The following ADAMTSL1 variants were observed in gnomAD, a reference collection of about 807,000 sequenced individuals.
The protein encoded by ADAMTSL1 is ADAMTS like 1.
In ADAMTSL1, 126 loss-of-function variants were observed where a neutral mutation model predicts 201.8. The ratio of observed to expected loss-of-function variants is 0.62; its 90% confidence interval spans 0.54 to 0.72. The LOEUF (loss-of-function observed/expected upper bound fraction) is 0.72. Among genes scored for constraint, ADAMTSL1 ranks in the 30% least tolerant of loss-of-function variants. The pLI is 0.00. For missense variants in ADAMTSL1, 2,679 were observed against 2,277.8 expected, an observed-to-expected ratio of 1.18 and a Z score of -3.59; for synonymous variants, 1,121 against 903.4, an observed-to-expected ratio of 1.24 and a Z score of -4.32.
intron 9 of ADAMTSL1, among the ~76,000 whole-genome samples, chr9:18,674,872 T>G (rs1830048243): frequency 6.6e-6 from 1 of 152,152 alleles, no homozygotes; most frequent in African/African-American, 2.4e-5. Flanking sequence ...AAGGTGCTGT[T>G]GCACTAGCGG....
At chr9:17,944,763 T>C (rs1352259649) in intron 1 of ADAMTSL1, among the ~76,000 whole-genome samples, 15 of 126,026 alleles carry the variant, frequency 1.2e-4, no homozygotes, top group East Asian at 4.6e-4. Context: ...GCTAGCCATA[T>C]GTAGAAAGCT....
intron 2 of ADAMTSL1, among the ~76,000 whole-genome samples, chr9:18,387,113 AT>A (rs1180823115): frequency 2.0e-5 from 3 of 152,026 alleles, no homozygotes; most frequent in Non-Finnish European, 4.4e-5. Flanking sequence ...ATTTTTATGT[AT>A]TTTTATAGAT....
chr9:18,875,338 A>C (rs1036156744), intron 23 of ADAMTSL1, among the ~76,000 whole-genome samples: 2 of 151,922 alleles, frequency 1.3e-5, no homozygotes, highest in African/African-American at 4.8e-5. Flanking sequence ...TTGAAGTGTA[A>C]CCTTAGATTG....
intron 2 of ADAMTSL1, among the ~76,000 whole-genome samples, chr9:18,235,357 G>T (rs1188205062): frequency 2.6e-5 from 4 of 152,078 alleles, no homozygotes; most frequent in African/African-American, 4.8e-5. Flanking sequence ...CACATCAAAG[G>T]TACCTGCTAT....
At chr9:18,008,568 C>G (rs945694986) in intron 1 of ADAMTSL1, among the ~76,000 whole-genome samples, 1 of 151,856 alleles carries the variant, frequency 6.6e-6, no homozygotes, top group African/African-American at 2.4e-5. Context: ...CAGAAGGAGC[C>G]ACTCAGGTAG....
intron 2 of ADAMTSL1, among the ~76,000 whole-genome samples, chr9:18,334,551 T>C (rs769029636): frequency 2.6e-5 from 4 of 152,206 alleles, no homozygotes; most frequent in Non-Finnish European, 4.4e-5. Flanking sequence ...TTAGTCCTAA[T>C]AGTGGTGCTA....
intron 1 of ADAMTSL1, among the ~76,000 whole-genome samples, chr9:18,487,453 T>C (rs978344526): frequency 2.0e-5 from 3 of 152,212 alleles, no homozygotes; most frequent in African/African-American, 7.2e-5. Context: ...TGACTTTCAT[T>C]CTAATTTTGG....
At chr9:18,100,429 A>G (rs1824464195) in intron 1 of ADAMTSL1, among the ~76,000 whole-genome samples, 1 of 152,042 alleles carries the variant, frequency 6.6e-6, no homozygotes, top group South Asian at 2.1e-4. Flanking sequence ...TACAGGGTGT[A>G]TATGCCTTGA....
chr9:18,318,932 G>A (rs1348121953), intron 2 of ADAMTSL1, among the ~76,000 whole-genome samples: 2 of 152,152 alleles, frequency 1.3e-5, no homozygotes, highest in Admixed American at 6.5e-5. Flanking sequence ...AAAGAGGCTG[G>A]GCACAGTGGC....
chr9:18,291,109 G>C (rs181615202), intron 2 of ADAMTSL1, among the ~76,000 whole-genome samples: 48 of 151,992 alleles, frequency 3.2e-4, no homozygotes, highest in African/African-American at 1.0e-3. Flanking sequence ...AATTGGGTGA[G>C]AGATGAGATT....
chr9:18,501,884 C>A (rs1822862756), intron 1 of ADAMTSL1, among the ~76,000 whole-genome samples: 1 of 152,148 alleles, frequency 6.6e-6, no homozygotes, highest in Admixed American at 6.6e-5. Context: ...TGTAGTTGTG[C>A]TGAAACGTGT....
At chr9:18,488,137 C>G (rs1563990934) in intron 1 of ADAMTSL1, among the ~76,000 whole-genome samples, 1 of 152,200 alleles carries the variant, frequency 6.6e-6, no homozygotes, top group Non-Finnish European at 1.5e-5. Context: ...GGAACCCTCT[C>G]ATTCCCTATC....
At chr9:18,723,423 C>G (rs957577069) in intron 15 of ADAMTSL1, 1 of 345,782 alleles carries the variant, frequency 2.9e-6, no homozygotes, top group Admixed American at 4.3e-5. Flanking sequence ...TGCTGGGACT[C>G]GTGGTCCCTA....
chr9:18,775,851 C>T lies in ADAMTSL1; in HGVS notation c.2506C>T (p.Pro836Ser). The T allele has an allele frequency of 6.2e-7, 1 of 1,604,214 alleles. No individual in the cohort carries two copies. The highest frequency in any genetic ancestry group is 1.1e-5 in the South Asian group (1 of 88,922). Residue 836 changes from proline (P) to serine (S), a missense_variant, in exon 18 of 29, where the codon CCT becomes TCT. Pro to Ser is a moderately conservative substitution (Grantham distance 74). Coordinates refer to ENST00000380548, the MANE Select transcript of ADAMTSL1 (RefSeq NM_001040272.6). ...VVNSTLCPPL[P>S]FSSSIRPCML... is the part of the protein sequence containing the mutation. The stretch of plus-strand genomic sequence containing the variant: ...CAATTCCACCCTGTGCCCGCCCCTG[C>T]CTTTCTCTTCCTCCATCAGGCCCTG...
chr9:18,076,975 C>T lies in ADAMTSL1; in HGVS notation c.88-86887C>T, dbSNP rs183021441. Among the ~76,000 whole-genome samples, 17 of 151,966 alleles carry T rather than the reference C, an allele frequency of 1.1e-4. No homozygotes were observed. In the South Asian group the frequency reaches 1.7e-3, roughly 15 times the overall value. ...GGAATTACACGCTGTTAGATGGCTA[C>T]GGAAGATAAAGAAAAAGGAAGGATA... On this transcript the variant is annotated intron_variant, in intron 1 of 29. Transcript: ENST00000680146.
At chr9:18,070,022 T>A (rs1191712283) in intron 1 of ADAMTSL1, among the ~76,000 whole-genome samples, 1 of 152,198 alleles carries the variant, frequency 6.6e-6, no homozygotes, top group South Asian at 2.1e-4. Flanking sequence ...AGTGGAAATG[T>A]CTGCATGAGA....
intron 15 of ADAMTSL1, among the ~76,000 whole-genome samples, chr9:18,746,074 G>T (rs972301479): frequency 1.3e-5 from 2 of 152,228 alleles, no homozygotes; most frequent in African/African-American, 4.8e-5. Context: ...GCAAGGCTGA[G>T]CCCTGGACAT....
At chr9:18,639,495 G>A (rs1827312196) in intron 7 of ADAMTSL1, 84 bp downstream of exon 7, 4 of 1,509,110 alleles carry the variant, frequency 2.7e-6, no homozygotes, top group Non-Finnish European at 3.6e-6. Context: ...GCGATTTTTG[G>A]TTCTGACATA....
chr9:18,284,147 C>A (rs552802698), intron 2 of ADAMTSL1, among the ~76,000 whole-genome samples: 65 of 151,358 alleles, frequency 4.3e-4, no homozygotes, highest in Middle Eastern at 3.4e-3. Flanking sequence ...GAGAATTGCT[C>A]GAACCTGGGA....
Sources: allele counts gnomAD v4.1 joint callset (sites outside exome capture counted in the v4.1 genomes callset), GRCh38; gene constraint gnomAD v4.1.1; transcripts MANE v1.5; gene names NCBI Gene and HGNC (gene_info 2026-07-23, HGNC 2026-07-21).